The following NARS2 variants were observed in gnomAD, a reference collection of about 807,000 sequenced individuals.
NARS2 encodes the protein asparaginyl-tRNA synthetase 2, mitochondrial, also known as asparaginyl-tRNA synthetase.
NARS2 carries 60 observed loss-of-function variants against 62.9 expected under a neutral mutation model. That is an observed-to-expected ratio of 0.95 (90% confidence interval 0.77 to 1.18). The LOEUF (loss-of-function observed/expected upper bound fraction) is 1.18, where lower values mean the gene tolerates loss of function less well. Ranked by LOEUF, NARS2 falls within the 50% of genes most tolerant of loss-of-function variation. NARS2 has a pLI of 0.00. For missense variants in NARS2, 619 were observed against 576.4 expected (o/e 1.07, Z -0.76); for synonymous variants, 196 against 200.0 (o/e 0.98, Z 0.17).
intron 5 of NARS2, among the ~76,000 whole-genome samples, chr11:78,531,795 G>A (rs1205365317): frequency 6.6e-6 from 1 of 152,196 alleles, no homozygotes; most frequent in African/African-American, 2.4e-5. Flanking sequence ...AAAAGGCTAT[G>A]TATGATTACA....
chr11:78,515,869 T>C (rs777127665), intron 6 of NARS2, among the ~76,000 whole-genome samples: 49 of 152,348 alleles, frequency 3.2e-4, no homozygotes, highest in South Asian at 1.2e-3. Context: ...ATGTGAATTA[T>C]ATCTCAATAA....
chr11:78,569,854 T>C (rs1378032809), intron 2 of NARS2, among the ~76,000 whole-genome samples: 2 of 152,218 alleles, frequency 1.3e-5, no homozygotes, highest in African/African-American at 4.8e-5. Flanking sequence ...ATTGCTATAC[T>C]GATATAATCA....
In NARS2 at chr11:78,469,276, C is replaced by T; in HGVS notation, c.997G>A (p.Ala333Thr). Reference sequence around the variant, plus strand: ...GGGGTAAAGGTGAAGTTCTGGGATGCTTGCTTTAAGATCTCCACTGCTTCA... The same window carrying T: ...GGGGTAAAGGTGAAGTTCTGGGATGTTTGCTTTAAGATCTCCACTGCTTCA... ...YTEAVEILKQ[A>T]SQNFTFTPEW... Residue 333 changes from alanine (A) to threonine (T), a missense_variant, in exon 10 of 14, where the codon GCA becomes ACA. Physicochemically the swap from Ala to Thr is moderately conservative, Grantham distance 58. Transcript: ENST00000281038. The T allele has an allele frequency of 1.2e-6, 2 of 1,613,368 alleles. No individual in the cohort carries two copies. The highest frequency in any genetic ancestry group is 1.7e-6 in the Non-Finnish European group (2 of 1,179,450).
At chr11:78,488,126 A>G (rs1859655076) in intron 7 of NARS2, among the ~76,000 whole-genome samples, 1 of 152,104 alleles carries the variant, frequency 6.6e-6, no homozygotes, top group South Asian at 2.1e-4. Context: ...AAACATCACC[A>G]GAGGTTTTCA....
intron 11 of NARS2, among the ~76,000 whole-genome samples, chr11:78,460,396 T>C (rs73504944): frequency 1.3e-3 from 192 of 152,050 alleles, no homozygotes; most frequent in African/African-American, 4.4e-3. Flanking sequence ...CATGAGCAAC[T>C]GTGCCCAGCC....
intron 7 of NARS2, among the ~76,000 whole-genome samples, chr11:78,487,784 A>G (rs981738910): frequency 3.3e-5 from 5 of 152,238 alleles, no homozygotes; most frequent in Admixed American, 3.3e-4. Context: ...AAAAGATAGC[A>G]GACTATATTT....
At chr11:78,471,339 C>G (rs1352126999) in intron 9 of NARS2, among the ~76,000 whole-genome samples, 1 of 152,168 alleles carries the variant, frequency 6.6e-6, no homozygotes, top group Non-Finnish European at 1.5e-5. Flanking sequence ...CTTAGAGTTT[C>G]ATATGTTCCA....
intron 11 of NARS2, among the ~76,000 whole-genome samples, chr11:78,465,214 C>T (rs1591155877): frequency 6.6e-6 from 1 of 152,320 alleles, no homozygotes; most frequent in African/African-American, 2.4e-5. Context: ...GCCCGCCGAG[C>T]CCACACCCAC....
At chr11:78,439,547 C>T (rs1857512115) in intron 13 of NARS2, among the ~76,000 whole-genome samples, 1 of 152,094 alleles carries the variant, frequency 6.6e-6, no homozygotes, top group South Asian at 2.1e-4. Context: ...ATTTCATCCG[C>T]ACAATAACTC....
intron 5 of NARS2, among the ~76,000 whole-genome samples, chr11:78,554,165 T>G (rs187786747): frequency 5.6e-4 from 86 of 152,316 alleles, no homozygotes; most frequent in Admixed American, 1.9e-3. Context: ...TTGGGTAACA[T>G]GATTCTTCCA....
chr11:78,439,423 A>G (rs978799732), intron 13 of NARS2, among the ~76,000 whole-genome samples: 1 of 152,120 alleles, frequency 6.6e-6, no homozygotes, highest in Admixed American at 6.6e-5. Flanking sequence ...AGCTTGCTCA[A>G]TCATCAGGCT....
intron 7 of NARS2, among the ~76,000 whole-genome samples, chr11:78,480,291 A>G (rs1231324540): frequency 6.6e-6 from 1 of 151,890 alleles, no homozygotes; most frequent in Admixed American, 6.6e-5. Flanking sequence ...TTTTAGACGG[A>G]GTCTTGCTCT....
chr11:78,532,652 G>C (rs2135436331), intron 5 of NARS2, among the ~76,000 whole-genome samples: 1 of 152,120 alleles, frequency 6.6e-6, no homozygotes, highest in South Asian at 2.1e-4. Flanking sequence ...TATTTTTCTT[G>C]CCCTGTAAAA....
intron 6 of NARS2, among the ~76,000 whole-genome samples, chr11:78,512,286 T>G (rs1031400875): frequency 5.9e-5 from 9 of 152,236 alleles, no homozygotes; most frequent in African/African-American, 2.2e-4. Flanking sequence ...CTCTGCTTTG[T>G]ATGAACTCCA....
chr11:78,479,558 C>T (rs1319017299), intron 7 of NARS2, among the ~76,000 whole-genome samples: 1 of 152,082 alleles, frequency 6.6e-6, no homozygotes, highest in Non-Finnish European at 1.5e-5. Flanking sequence ...ATAGGAGACT[C>T]ATAATAGAAG....
At chr11:78,455,398 A>G (rs1295034474) in intron 11 of NARS2, among the ~76,000 whole-genome samples, 1 of 152,232 alleles carries the variant, frequency 6.6e-6, no homozygotes, top group Admixed American at 6.5e-5. Context: ...CTTAAAGTAT[A>G]AAATATGTGT....
chr11:78,476,890 G>A (rs1471658261), intron 9 of NARS2, among the ~76,000 whole-genome samples: 3 of 152,118 alleles, frequency 2.0e-5, no homozygotes, highest in Non-Finnish European at 4.4e-5. Context: ...GAAAATCTCA[G>A]GTTAAAAGTC....
intron 4 of NARS2, among the ~76,000 whole-genome samples, chr11:78,563,877 C>CACAA (rs1231044695): frequency 9.0e-6 from 1 of 110,606 alleles, no homozygotes; most frequent in Non-Finnish European, 1.7e-5. Context: ...TATGTATACA[C>CACAA]ACACACAGTA....
At chr11:78,474,771 T>C (rs1458828508) in intron 9 of NARS2, among the ~76,000 whole-genome samples, 1 of 152,196 alleles carries the variant, frequency 6.6e-6, no homozygotes, top group African/African-American at 2.4e-5. Context: ...TAATCACACA[T>C]ATACATTTAT....
Sources: gnomAD v4.1 joint callset for allele counts (sites outside exome capture counted in the v4.1 genomes callset) on GRCh38, gnomAD v4.1.1 for gene constraint, MANE v1.5 for transcripts, NCBI Gene and HGNC (gene_info 2026-07-23, HGNC 2026-07-21) for gene names.